ERC1: variants seen among roughly 807,000 people sequenced by gnomAD.
ERC1 encodes RAB6 interacting protein 2.
ERC1 carries 56 observed loss-of-function variants against 132.0 expected under a neutral mutation model. The observed-to-expected ratio is 0.42, with a 90% CI of 0.34 to 0.53. The LOEUF is 0.53. Among genes scored for constraint, ERC1 ranks in the 20% least tolerant of loss-of-function variants. The pLI, the probability that ERC1 is intolerant of heterozygous loss-of-function variation, is 0.03. For missense variants in ERC1, 1,202 were observed against 1,349.9 expected, an observed-to-expected ratio of 0.89 and a Z score of 1.72; for synonymous variants, 478 against 476.1, an observed-to-expected ratio of 1.00 and a Z score of -0.05.
At chr12:1,245,755 AT>A (rs1434432071) in intron 13 of ERC1, among the ~76,000 whole-genome samples, 1 of 152,182 alleles carries the variant, frequency 6.6e-6, no homozygotes, top group Non-Finnish European at 1.5e-5. Context: ...TTTGTCATTT[AT>A]CATGGCCTTA....
intron 5 of ERC1, 97 bp downstream of exon 5, chr12:1,110,444 CTT>C (rs1286056840): frequency 9.2e-6 from 9 of 982,838 alleles, no homozygotes; most frequent in African/African-American, 5.0e-5. Flanking sequence ...ATTTTACACT[CTT>C]TTATCAGGTT....
chr12:1,046,696 G>A (rs1001998836), intron 2 of ERC1, among the ~76,000 whole-genome samples: 1 of 152,236 alleles, frequency 6.6e-6, no homozygotes, highest in East Asian at 1.9e-4. Flanking sequence ...AACAGGCCCT[G>A]TTTTATGTGC....
At chr12:1,018,047 A>G (rs975809442) in intron 1 of ERC1, among the ~76,000 whole-genome samples, 1 of 152,202 alleles carries the variant, frequency 6.6e-6, no homozygotes, top group African/African-American at 2.4e-5. Context: ...TGGAATTAAG[A>G]TTTAGCTACA....
intron 8 of ERC1, among the ~76,000 whole-genome samples, chr12:1,165,226 C>G (rs1434399315): frequency 6.6e-6 from 1 of 152,130 alleles, no homozygotes; most frequent in Non-Finnish European, 1.5e-5. Flanking sequence ...TATTAGTGAT[C>G]TAACAAGAAC....
In ERC1 at chr12:1,106,240, T is replaced by A. The variant is rs548994930; in HGVS notation, c.1161+1416T>A. Among the ~76,000 whole-genome samples the A allele has an allele frequency of 4.6e-5, 7 of 152,322 alleles. No individual in the cohort carries two copies. The South Asian group carries it at 1.4e-3, about 32-fold the overall frequency. On this transcript the variant is annotated intron_variant, in intron 4 of 18. Coordinates refer to ENST00000360905, the MANE Select transcript of ERC1 (RefSeq NM_178040.4). The stretch of plus-strand genomic sequence containing the variant: ...ATGTAAAAACACTTTGAACAGGACC[T>A]AGCGCATAGTAAACATTCAATCCAT...
At position 1,383,611 on chromosome 12, in the gene ERC1, G is replaced by A. The variant is rs192484181; in HGVS notation, c.2925+11634G>A. Reference sequence around the variant, plus strand: ...ATCACACCACTGCACTCCAGCCTGGGTGACAAAACAAGACTCTGTCACACA... The same window carrying A: ...ATCACACCACTGCACTCCAGCCTGGATGACAAAACAAGACTCTGTCACACA... On this transcript the variant is annotated intron_variant, in intron 16 of 18. Coordinates refer to ENST00000360905, the MANE Select transcript of ERC1 (RefSeq NM_178040.4). Among the ~76,000 whole-genome samples, 978 of 152,218 alleles carry A rather than the reference G, an allele frequency of 6.4e-3. 9 individuals carry two copies. The highest frequency in any genetic ancestry group is 0.023 in the African/African-American group (936 of 41,520).
At chr12:1,470,571 T>C (rs1472072635) in intron 18 of ERC1, among the ~76,000 whole-genome samples, 1 of 152,074 alleles carries the variant, frequency 6.6e-6, no homozygotes, top group Non-Finnish European at 1.5e-5. Context: ...CTGCTGCTGC[T>C]CTGATGGGTC....
intron 16 of ERC1, among the ~76,000 whole-genome samples, chr12:1,381,479 G>A (rs1012951243): frequency 8.6e-5 from 13 of 152,020 alleles, no homozygotes; most frequent in South Asian, 2.1e-4. Flanking sequence ...GATTACACAC[G>A]TGAGCCACCA....
rs1193527340 is a variant in ERC1 at position 1,339,516 on chromosome 12, C to T, written c.2781-32317C>T. 1.1e-4 allele frequency among the ~76,000 whole-genome samples: 10 copies of T among 91,032 alleles called. No homozygotes were observed. The South Asian group carries it at 1.9e-3, about 17-fold the overall frequency. 59.7% of individuals were successfully genotyped at this position (91,032 alleles called of 152,430 possible). A position where few individuals can be genotyped will look rare whatever the true frequency, so the allele number is the denominator to read the frequency against. Reference sequence around the variant, plus strand: ...CTGTGACAGGGTGCTAGCAGGTGCCCGGGTGCCCGCCCCCATGTAGGCATT... The same window carrying T: ...CTGTGACAGGGTGCTAGCAGGTGCCTGGGTGCCCGCCCCCATGTAGGCATT... On this transcript the variant is annotated intron_variant, in intron 15 of 18. Transcript: ENST00000360905.
chr12:1,347,038 G>A (rs2084544453), intron 15 of ERC1, among the ~76,000 whole-genome samples: 1 of 152,048 alleles, frequency 6.6e-6, no homozygotes, highest in South Asian at 2.1e-4. Context: ...GTAGTCCAGA[G>A]AAGGTATTTA....
intron 8 of ERC1, among the ~76,000 whole-genome samples, chr12:1,143,928 C>G (rs1163461485): frequency 1.3e-5 from 2 of 151,886 alleles, no homozygotes; most frequent in Non-Finnish European, 2.9e-5. Flanking sequence ...CAGTTTTGTA[C>G]TTAGTCATCA....
intron 13 of ERC1, among the ~76,000 whole-genome samples, chr12:1,239,378 G>A (rs1441488313): frequency 6.6e-6 from 1 of 152,086 alleles, no homozygotes; most frequent in East Asian, 1.9e-4. Flanking sequence ...TTTAGAGATT[G>A]CAATCTGGGT....
intron 18 of ERC1, among the ~76,000 whole-genome samples, chr12:1,485,197 A>ATTTCTCT (rs1555129675): frequency 0.018 from 1,776 of 97,310 alleles, 79 homozygotes; most frequent in African/African-American, 0.064. Flanking sequence ...TCAAGTTTAT[A>ATTTCTCT]TTTCTTTTTT....
chr12:1,228,654 C>T (rs1371822631), intron 12 of ERC1, among the ~76,000 whole-genome samples: 1 of 152,102 alleles, frequency 6.6e-6, no homozygotes, highest in Non-Finnish European at 1.5e-5. Flanking sequence ...TTAGATTTAT[C>T]GGCTGTGGGC....
intron 14 of ERC1, among the ~76,000 whole-genome samples, chr12:1,289,179 A>T: frequency 6.8e-6 from 1 of 146,616 alleles, no homozygotes; most frequent in Non-Finnish European, 1.5e-5. Context: ...CCTATATAAT[A>T]TATAGTATAT....
At position 1,121,718 on chromosome 12, in the gene ERC1, TCTCTATCTCTATCTCTATCTC is replaced by T. The variant is rs1337197392; in HGVS notation, c.1569+5686_1569+5706del. 2.6e-3 allele frequency among the ~76,000 whole-genome samples: 14 copies of T among 5,456 alleles called. 1 individual carries two copies. The highest frequency in any genetic ancestry group is 8.8e-3 in the Non-Finnish European group (13 of 1,474). 3.6% of individuals were successfully genotyped at this position (5,456 alleles called of 152,430 possible). A position where few individuals can be genotyped will look rare whatever the true frequency, so the allele number is the denominator to read the frequency against. ...ATCTCTATCTCTATCTGTGTCTCTA[TCTCTATCTCTATCTCTATCTC>T]TATCTATCTCTATCTCTATCTCTAT... On this transcript the variant is annotated intron_variant, in intron 7 of 18. Coordinates refer to ENST00000360905, the MANE Select transcript of ERC1 (RefSeq NM_178040.4).
At position 1,490,743 on chromosome 12, in the gene ERC1, G is replaced by A. The variant is rs1161481102; in HGVS notation, c.*513G>A. 4.6e-6 allele frequency: 1 copy of A among 219,448 alleles called. No homozygotes were observed. The highest frequency in any genetic ancestry group is 9.1e-6 in the Non-Finnish European group (1 of 109,558). 13.6% of individuals were successfully genotyped at this position (219,448 alleles called of 1,614,324 possible). On this transcript the variant is annotated 3_prime_UTR_variant, in exon 19 of 19. Coordinates refer to ENST00000360905, the MANE Select transcript of ERC1 (RefSeq NM_178040.4). ...AGAAAAAGAGAAGGGGGGAAGGGAA[G>A]AGAAAATCGACTCTTCTTTTTACTG...
At chr12:1,226,241 C>A (rs774364624) in intron 12 of ERC1, among the ~76,000 whole-genome samples, 20 of 152,168 alleles carry the variant, frequency 1.3e-4, no homozygotes, top group Admixed American at 5.9e-4. Flanking sequence ...TCATCTGTGT[C>A]ATTAATTCAT....
At chr12:1,050,165 C>T (rs1048781790) in intron 2 of ERC1, among the ~76,000 whole-genome samples, 9 of 152,182 alleles carry the variant, frequency 5.9e-5, no homozygotes, top group African/African-American at 1.4e-4. Context: ...TTAAGGAGAA[C>T]GAGAGGGCTG....
Sources: gnomAD v4.1 joint callset for allele counts (sites outside exome capture counted in the v4.1 genomes callset) on GRCh38, gnomAD v4.1.1 for gene constraint, MANE v1.5 for transcripts, NCBI Gene and HGNC (gene_info 2026-07-23, HGNC 2026-07-21) for gene names.